Variants in PCDHGA10 observed in about 807,000 individuals in gnomAD.
The protein encoded by PCDHGA10 is protocadherin gamma-A10.
In PCDHGA10, 42 loss-of-function variants were observed where a neutral mutation model predicts 59.5. The observed-to-expected ratio is 0.71, with a 90% CI of 0.55 to 0.91. PCDHGA10 has a LOEUF of 0.91. Among genes scored for constraint, PCDHGA10 ranks in the 40% least tolerant of loss-of-function variants. The probability of loss-of-function intolerance (pLI) is 0.00; values close to 1 mark genes in which losing one functional copy is unlikely to be tolerated. For missense variants in PCDHGA10, 1,111 were observed against 1,198.2 expected (o/e 0.93, Z 1.07); for synonymous variants, 511 against 517.2 (o/e 0.99, Z 0.16).
chr5:141,487,237 T>G lies in PCDHGA10; in HGVS notation c.2437-7570T>G, dbSNP rs1327004790. ...CAGCTCCAAGGGAAGGAGAATCTCGTCTAACCCTCTACTTGGCTGTGTCCC... is the reference window on the plus strand; with the variant it reads ...CAGCTCCAAGGGAAGGAGAATCTCGGCTAACCCTCTACTTGGCTGTGTCCC... On this transcript the variant is annotated intron_variant, in intron 1 of 3. Transcript: ENST00000398610. This position sits in a 1 kb window ranked among gnomAD's most constrained non-coding sequence, Gnocchi z 5.0. 1.2e-6 allele frequency: 2 copies of G among 1,614,004 alleles called. No individual in the cohort carries two copies. The highest frequency in any genetic ancestry group is 1.7e-6 in the Non-Finnish European group (2 of 1,179,988).
chr5:141,444,470 C>T (rs1275997551), intron 1 of PCDHGA10, among the ~76,000 whole-genome samples: 2 of 152,058 alleles, frequency 1.3e-5, no homozygotes, highest in African/African-American at 2.4e-5. Flanking sequence ...TGCGCCCGGT[C>T]GCGTACTGGA....
rs145569377 is a variant in PCDHGA10 at position 141,455,860 on chromosome 5, ATTATTTATTTATTTAT to A, written c.2437-38908_2437-38893del. Among the ~76,000 whole-genome samples, 551 of 139,848 alleles carry A rather than the reference ATTATTTATTTATTTAT, an allele frequency of 3.9e-3. 2 individuals carry two copies. The highest frequency in any genetic ancestry group is 9.7e-3 in the South Asian group (42 of 4,344). The allele number at this position is 139,848 out of a possible 152,430, so 91.7% of individuals were successfully genotyped here. ...CTATCTGCATAAAATAATTTCTTTTATTATTTATTTATTTATTTATTTATTTATTTATTTATTTATT... is the reference window on the plus strand; with the variant it reads ...CTATCTGCATAAAATAATTTCTTTTATTATTTATTTATTTATTTATTTATT... On this transcript the variant is annotated intron_variant, in intron 1 of 3. Transcript: ENST00000398610.
At chr5:141,478,788 T>A (rs576491824) in intron 1 of PCDHGA10, 147 of 1,473,736 alleles carry the variant, frequency 1.0e-4, no homozygotes, top group Non-Finnish European at 1.3e-4. Context: ...CTAATTCACA[T>A]CCTCAGCACT....
intron 1 of PCDHGA10, among the ~76,000 whole-genome samples, chr5:141,474,120 T>C (rs2099343213): frequency 6.6e-6 from 1 of 151,910 alleles, no homozygotes; most frequent in Non-Finnish European, 1.5e-5. Flanking sequence ...ACAACGAAAA[T>C]CTCAGAAAAC....
intron 1 of PCDHGA10, among the ~76,000 whole-genome samples, chr5:141,459,690 C>A (rs1338211972): frequency 6.6e-6 from 1 of 152,174 alleles, no homozygotes; most frequent in African/African-American, 2.4e-5. Context: ...ATAAAGCGTT[C>A]CGCTTGCTAC....
Position 141,505,420 on chromosome 5 carries a change from C to G in PCDHGA10, c.2523C>G (p.Thr841=), listed in dbSNP as rs1236398971. 6.2e-7 allele frequency: 1 copy of G among 1,614,102 alleles called. No individual in the cohort carries two copies. Among genetic ancestry groups the G allele is most frequent in the Non-Finnish European group, 8.5e-7 (1 of 1,180,034 alleles). ...SGSQNGDDTG[T]WPNNQFDTEM... is the part of the protein sequence containing the mutation. ...CCCAAAATGGCGATGACACCGGCACCTGGCCCAACAACCAGTTTGACACAG... is the reference window on the plus strand; with the variant it reads ...CCCAAAATGGCGATGACACCGGCACGTGGCCCAACAACCAGTTTGACACAG... The change falls in exon 3 of 4, where the codon ACC becomes ACG. Residue 841 remains threonine (T), a synonymous_variant. Coordinates refer to ENST00000398610, the MANE Select transcript of PCDHGA10 (RefSeq NM_018913.3).
chr5:141,435,296 T>A (rs545583818), intron 1 of PCDHGA10, among the ~76,000 whole-genome samples: 44 of 152,328 alleles, frequency 2.9e-4, no homozygotes, highest in African/African-American at 9.9e-4. Context: ...AGTCATTTCA[T>A]GGTTTTAAAT....
In PCDHGA10 at chr5:141,489,681, A is replaced by T; in HGVS notation, c.2437-5126A>T. ...AGATGCGCATCTCAGAATCAGCAGC[A>T]TCTGGGGCACGATTCCCACTGGACA... On this transcript the variant is annotated intron_variant, in intron 1 of 3. Transcript: ENST00000398610. This position sits in a 1 kb window ranked among gnomAD's most constrained non-coding sequence, Gnocchi z 4.5. 1 of 1,614,174 alleles carries T rather than the reference A, an allele frequency of 6.2e-7. No individual in the cohort carries two copies. The highest frequency in any genetic ancestry group is 8.5e-7 in the Non-Finnish European group (1 of 1,180,010).
intron 1 of PCDHGA10, among the ~76,000 whole-genome samples, chr5:141,463,073 C>G (rs911706393): frequency 6.6e-6 from 1 of 152,110 alleles, no homozygotes; most frequent in African/African-American, 2.4e-5. Flanking sequence ...AAATGAAATT[C>G]AAACATTTTC....
At position 141,413,444 on chromosome 5, in the gene PCDHGA10, C is replaced by T. The variant is rs2095641519; in HGVS notation, c.269C>T (p.Thr90Ile). ...SLNPRSGSLI[T>I]AGRIDREELC... is the part of the protein sequence containing the mutation. Reference sequence around the variant, plus strand: ...AACCCGCGCAGCGGCAGCTTGATCACCGCGGGCAGGATAGACCGGGAGGAG... The same window carrying T: ...AACCCGCGCAGCGGCAGCTTGATCATCGCGGGCAGGATAGACCGGGAGGAG... Residue 90 changes from threonine (T) to isoleucine (I), a missense_variant, in exon 1 of 4, where the codon ACC becomes ATC. Physicochemically the swap from Thr to Ile is moderately conservative, Grantham distance 89. Transcript: ENST00000398610. 1.2e-6 allele frequency: 2 copies of T among 1,613,998 alleles called. No homozygotes were observed. The highest frequency in any genetic ancestry group is 1.7e-6 in the Non-Finnish European group (2 of 1,179,974).
At chr5:141,503,517 T>C (rs6878542) in intron 2 of PCDHGA10, among the ~76,000 whole-genome samples, 77,350 of 150,132 alleles carry the variant, frequency 0.52, 20,504 homozygotes, top group African/African-American at 0.63. Flanking sequence ...GAGAATCACT[T>C]GAACCTGGGA....
chr5:141,487,380 G>A lies in PCDHGA10; in HGVS notation c.2437-7427G>A. On this transcript the variant is annotated intron_variant, in intron 1 of 3. Transcript: ENST00000398610. This position sits in a 1 kb window ranked among gnomAD's most constrained non-coding sequence, Gnocchi z 5.0. ...GCTGGCACCTGTGCCTGTCTCACCA[G>A]ATCTCGAAGGAGGGAGGGGCTTCCC... is the stretch of plus-strand genomic sequence containing the variant. The A allele has an allele frequency of 1.2e-6, 2 of 1,614,202 alleles. No individual in the cohort carries two copies. The highest frequency in any genetic ancestry group is 2.2e-5 in the South Asian group (2 of 91,078).
intron 3 of PCDHGA10, among the ~76,000 whole-genome samples, chr5:141,509,064 C>T (rs890846779): frequency 6.6e-6 from 1 of 152,184 alleles, no homozygotes; most frequent in African/African-American, 2.4e-5. Flanking sequence ...AAGCTCTCAG[C>T]TCCGGGGATT....
intron 1 of PCDHGA10, chr5:141,427,887 C>T (rs759734297): frequency 3.8e-6 from 6 of 1,565,908 alleles, no homozygotes; most frequent in South Asian, 1.1e-5. Flanking sequence ...GGCCCACGAC[C>T]AGGGCTCGCC....
chr5:141,463,364 T>C (rs1166107031), intron 1 of PCDHGA10, among the ~76,000 whole-genome samples: 2 of 150,250 alleles, frequency 1.3e-5, no homozygotes, highest in Admixed American at 6.6e-5. Context: ...TCCCCTTTCC[T>C]GCCCCACAGT....
chr5:141,500,497 C>T (rs1214550546), intron 2 of PCDHGA10, among the ~76,000 whole-genome samples: 1 of 152,174 alleles, frequency 6.6e-6, no homozygotes, highest in Non-Finnish European at 1.5e-5. Context: ...GCGTGAGCCA[C>T]CGCGCCTGGC....
chr5:141,467,602 A>G (rs981250164), intron 1 of PCDHGA10, among the ~76,000 whole-genome samples: 3 of 152,216 alleles, frequency 2.0e-5, no homozygotes, highest in Non-Finnish European at 4.4e-5. Flanking sequence ...TAAGCACTTC[A>G]TCTTTGTCCC....
In PCDHGA10 at chr5:141,486,675, A is replaced by T; in HGVS notation, c.2437-8132A>T. On this transcript the variant is annotated intron_variant, in intron 1 of 3. Coordinates refer to ENST00000398610, the MANE Select transcript of PCDHGA10 (RefSeq NM_018913.3). The surrounding 1 kb of genome is among the most constrained non-coding windows in gnomAD (Gnocchi z 5.0). ...TCACTCCTGGAGCCCAGGAATCGAGATGTATCAGCTTCCTCTTTCATCTCT... is the reference window on the plus strand; with the variant it reads ...TCACTCCTGGAGCCCAGGAATCGAGTTGTATCAGCTTCCTCTTTCATCTCT... The T allele has an allele frequency of 6.2e-7, 1 of 1,614,056 alleles. No individual in the cohort carries two copies. The highest frequency in any genetic ancestry group is 8.5e-7 in the Non-Finnish European group (1 of 1,180,016).
intron 1 of PCDHGA10, among the ~76,000 whole-genome samples, chr5:141,436,538 A>G (rs1353206648): frequency 6.6e-6 from 1 of 152,194 alleles, no homozygotes; most frequent in Admixed American, 6.5e-5. Context: ...CAAGTTATTT[A>G]ATCTCTTTGA....
Sources: gnomAD v4.1 joint callset for allele counts (sites outside exome capture counted in the v4.1 genomes callset) on GRCh38, gnomAD v4.1.1 for gene constraint, Gnocchi (gnomAD v3.1) non-coding constraint, MANE v1.5 for transcripts, NCBI Gene and HGNC (gene_info 2026-07-23, HGNC 2026-07-21) for gene names.